NKIRAS1: variants seen among roughly 807,000 people sequenced by gnomAD.
NKIRAS1 encodes the protein NF-kappa-B inhibitor-interacting Ras-like protein 1.
In NKIRAS1, 16 loss-of-function variants were observed where a neutral mutation model predicts 19.8. The ratio of observed to expected loss-of-function variants is 0.81; its 90% CI spans 0.55 to 1.23. The LOEUF (loss-of-function observed/expected upper bound fraction) is 1.23. Ranked by LOEUF, NKIRAS1 falls within the 50% of genes most tolerant of loss-of-function variation. NKIRAS1 has a pLI of 0.00. For synonymous variants in NKIRAS1, 88 were observed against 79.0 expected, an observed-to-expected ratio of 1.11 and a Z score of -0.61; for missense variants, 184 against 220.0, an observed-to-expected ratio of 0.84 and a Z score of 1.04.
chr3:23,933,565 C>A (rs1023764307), intron 1 of NKIRAS1, among the ~76,000 whole-genome samples: 4 of 152,202 alleles, frequency 2.6e-5, no homozygotes, highest in African/African-American at 7.2e-5. Flanking sequence ...ACATATGTAT[C>A]ACCTTATATC....
intron 4 of NKIRAS1, among the ~76,000 whole-genome samples, chr3:23,894,348 C>T (rs6778970): frequency 0.22 from 33,461 of 152,120 alleles, 3,673 homozygotes; most frequent in African/African-American, 0.26. Context: ...GGAACCACTA[C>T]TGTCTTCCTT....
chr3:23,923,424 G>A (rs1047931747), intron 1 of NKIRAS1: 1 of 151,992 alleles, frequency 6.6e-6, no homozygotes, highest in African/African-American at 2.4e-5. Flanking sequence ...TCACCATTTT[G>A]GCCAAGCTGG....
chr3:23,920,848 T>C, upstream of NKIRAS1: 1 of 878,914 alleles, frequency 1.1e-6, no homozygotes. Flanking sequence ...CTAAAACAAA[T>C]GGACCTTCTG....
At chr3:23,910,617 C>G (rs1461694950) in intron 3 of NKIRAS1, among the ~76,000 whole-genome samples, 194 bp downstream of exon 3, 2 of 152,204 alleles carry the variant, frequency 1.3e-5, no homozygotes, top group Non-Finnish European at 2.9e-5. Context: ...TGATAACTTA[C>G]AGCAGGCACT....
rs921051005 is a variant in NKIRAS1 at position 23,926,402 on chromosome 3, TCTTCCTCCTCCTC to T, written c.-139-14965_-139-14953del. On this transcript the variant is annotated intron_variant, in intron 1 of 4. Coordinates refer to the NKIRAS1 transcript ENST00000421515. This position sits in a 1 kb window ranked among gnomAD's most constrained non-coding sequence, Gnocchi z 4.3. Reference sequence around the variant, plus strand: ...TTCTTCTTTATTTCTTCTTCTTTCTTCTTCCTCCTCCTCCTTCCTCCTCCTCCTCTTGCTCCTC... The same window carrying T: ...TTCTTCTTTATTTCTTCTTCTTTCTTCTTCCTCCTCCTCCTCTTGCTCCTC... Among the ~76,000 whole-genome samples, 25 of 152,238 alleles carry T rather than the reference TCTTCCTCCTCCTC, an allele frequency of 1.6e-4. No homozygotes were observed. Among genetic ancestry groups the T allele is most frequent in the African/African-American group, 5.3e-4 (22 of 41,534 alleles).
chr3:23,936,615 C>T (rs548344708), intron 1 of NKIRAS1, among the ~76,000 whole-genome samples: 74 of 152,148 alleles, frequency 4.9e-4, no homozygotes, highest in Non-Finnish European at 5.9e-4. Context: ...GGTGCGATCT[C>T]GGCTCACTGC....
chr3:23,942,030 G>C (rs1705510082), intron 1 of NKIRAS1, among the ~76,000 whole-genome samples: 1 of 151,714 alleles, frequency 6.6e-6, no homozygotes, highest in Non-Finnish European at 1.5e-5. Context: ...CTAGGCTGGA[G>C]TGCAGTGGCA....
At chr3:23,943,771 A>G (rs148309059) in intron 1 of NKIRAS1, among the ~76,000 whole-genome samples, 179 of 152,350 alleles carry the variant, frequency 1.2e-3, no homozygotes, top group Middle Eastern at 3.4e-3. Flanking sequence ...AGTAGGGAAG[A>G]ATAGAGGGCT....
intron 1 of NKIRAS1, chr3:23,923,558 CAT>C (rs1439417733): frequency 6.6e-6 from 1 of 152,144 alleles, no homozygotes; most frequent in Non-Finnish European, 1.5e-5. Context: ...GGTATCCCAT[CAT>C]GTGGATGTAC....
chr3:23,910,389 AGG>A (rs1356326628), intron 3 of NKIRAS1, among the ~76,000 whole-genome samples: 1 of 145,182 alleles, frequency 6.9e-6, no homozygotes. Context: ...TCCTGACATC[AGG>A]TGATCCGCCT....
chr3:23,930,644 TAA>T (rs1023673907), intron 1 of NKIRAS1, among the ~76,000 whole-genome samples: 3 of 152,086 alleles, frequency 2.0e-5, no homozygotes, highest in Non-Finnish European at 2.9e-5. Context: ...ATAATGATCA[TAA>T]GAGTCAATAA....
intron 3 of NKIRAS1, among the ~76,000 whole-genome samples, chr3:23,904,810 T>A (rs1702862883): frequency 6.6e-6 from 1 of 152,196 alleles, no homozygotes; most frequent in South Asian, 2.1e-4. Flanking sequence ...TACCAGAATT[T>A]ATCACATAAT....
intron 1 of NKIRAS1, 41 bp downstream of exon 1, chr3:23,916,743 G>GACGCAC (rs1559509733): frequency 7.9e-5 from 12 of 152,718 alleles, no homozygotes; most frequent in Non-Finnish European, 1.6e-4. Context: ...CGGAGACGCA[G>GACGCAC]AGACTCCGCA....
At chr3:23,928,910 T>C (rs572130783) in intron 1 of NKIRAS1, among the ~76,000 whole-genome samples, 1 of 151,096 alleles carries the variant, frequency 6.6e-6, no homozygotes, top group Admixed American at 6.6e-5. Context: ...AGCAGGAGAA[T>C]TGCTAGAACC....
At chr3:23,908,693 T>C (rs866978876) in intron 3 of NKIRAS1, among the ~76,000 whole-genome samples, 1 of 152,142 alleles carries the variant, frequency 6.6e-6, no homozygotes, top group African/African-American at 2.4e-5. Flanking sequence ...CTTTTTTTCT[T>C]TTTTCAGACA....
In NKIRAS1 at chr3:23,910,925, T is replaced by C; in HGVS notation, c.-17-4A>G. ...CCCATCTTCTCTCAGGATATCACTGTGGAGAGAATAACAGGTCTTTTAAAT... is the reference window on the plus strand; with the variant it reads ...CCCATCTTCTCTCAGGATATCACTGCGGAGAGAATAACAGGTCTTTTAAAT... On this transcript the variant is annotated splice_polypyrimidine_tract_variant and splice_region_variant and intron_variant, in intron 2 of 4. Transcript: ENST00000425478. The C allele has an allele frequency of 6.3e-7, 1 of 1,593,972 alleles. No individual in the cohort carries two copies. The highest frequency in any genetic ancestry group is 8.6e-7 in the Non-Finnish European group (1 of 1,161,660).
rs1405998130 is a variant in NKIRAS1, at chr3:23,922,855, A to C, written c.-139-11405T>G. On this transcript the variant is annotated intron_variant, in intron 1 of 4. Coordinates refer to the NKIRAS1 transcript ENST00000421515. This position sits in a 1 kb window ranked among gnomAD's most constrained non-coding sequence, Gnocchi z 4.2. ...AGGGTCTCACTGTTGCCCAGGCTGG[A>C]GTGTAGTGGCGCGTTCACAACTTAC... 6.6e-6 allele frequency: 1 copy of C among 152,106 alleles called. No individual in the cohort carries two copies. The highest frequency in any genetic ancestry group is 1.9e-4 in the East Asian group (1 of 5,184). 9.4% of individuals were successfully genotyped at this position (152,106 alleles called of 1,614,324 possible). A position where few individuals can be genotyped will look rare whatever the true frequency, so the allele number is the denominator to read the frequency against.
intron 3 of NKIRAS1, among the ~76,000 whole-genome samples, chr3:23,907,803 G>A (rs917375000): frequency 1.3e-5 from 2 of 152,056 alleles, no homozygotes; most frequent in African/African-American, 4.8e-5. Flanking sequence ...AATATTCTAT[G>A]GAATTAAATG....
At chr3:23,945,557 C>G in intron 1 of NKIRAS1, 1 of 1,156,190 alleles carries the variant, frequency 8.6e-7, no homozygotes. Context: ...CGGGCGGCCC[C>G]GGCCGCCTCC....
Sources: allele counts gnomAD v4.1 joint callset (sites outside exome capture counted in the v4.1 genomes callset), GRCh38; gene constraint gnomAD v4.1.1; non-coding constraint Gnocchi (gnomAD v3.1); transcripts MANE v1.5; gene names NCBI Gene and HGNC (gene_info 2026-07-23, HGNC 2026-07-21).